The following CTBP2 variants were observed in gnomAD, a reference collection of about 807,000 sequenced individuals.
CTBP2 encodes the protein C-terminal-binding protein 2.
Under a neutral mutation model 80.3 loss-of-function variants are expected in CTBP2, and 30 were observed. That is an observed-to-expected ratio of 0.37 (90% CI 0.28 to 0.51). The LOEUF (loss-of-function observed/expected upper bound fraction) is 0.51. CTBP2 is among the 20% of genes least tolerant of loss of function. The probability of loss-of-function intolerance (pLI) is 0.93; values close to 1 mark genes in which losing one functional copy is unlikely to be tolerated. For synonymous variants in CTBP2, 594 were observed against 587.4 expected (o/e 1.01, Z -0.16); for missense variants, 1,212 against 1,375.3 (o/e 0.88, Z 1.88).
At chr10:125,036,840 T>C (rs1958956958) in intron 3 of CTBP2, among the ~76,000 whole-genome samples, 1 of 152,150 alleles carries the variant, frequency 6.6e-6, no homozygotes. Context: ...AACTGCCTAC[T>C]GCTCAACGCC....
rs764770185 is a variant in CTBP2, at chr10:124,984,717, T to C, written c.*4801A>G. On this transcript the variant is annotated 3_prime_UTR_variant, in exon 9 of 9. Coordinates refer to ENST00000309035, the MANE Select transcript of CTBP2 (RefSeq NM_022802.3). The stretch of plus-strand genomic sequence containing the variant: ...GCTGTAGGTTTCCATGTCACATTCC[T>C]ACCAAGTCTCTGATCTGTTGTATGA... 6.9e-5 allele frequency: 107 copies of C among 1,550,940 alleles called. No individual in the cohort carries two copies. The highest frequency in any genetic ancestry group is 8.8e-5 in the Non-Finnish European group (100 of 1,139,320).
At position 124,994,658 on chromosome 10, in the gene CTBP2, A is replaced by G. The variant is rs1352036731; in HGVS notation, c.2211T>C (p.Val737=). The G allele has an allele frequency of 1.5e-5, 24 of 1,614,066 alleles. No individual in the cohort carries two copies. The highest frequency in any genetic ancestry group is 2.0e-5 in the Non-Finnish European group (24 of 1,180,024). The change falls in exon 5 of 9, where the codon GTT becomes GTC. Residue 737 remains valine (V), a synonymous_variant. Coordinates refer to ENST00000309035, the MANE Select transcript of CTBP2 (RefSeq NM_022802.3). ...CGCTGAATCCAAAGGCCTTGGCTCG[A>G]ACTGCAACCGCCTGCCCCGTGCGAC...
At chr10:124,991,169 T>A (rs1952558707) in intron 8 of CTBP2, among the ~76,000 whole-genome samples, 1 of 152,212 alleles carries the variant, frequency 6.6e-6, no homozygotes, top group South Asian at 2.1e-4. Context: ...CACAGGGTCC[T>A]CGGGCAAAGT....
intron 1 of CTBP2, among the ~76,000 whole-genome samples, chr10:125,126,627 G>C (rs2136087321): frequency 6.6e-6 from 1 of 152,314 alleles, no homozygotes; most frequent in African/African-American, 2.4e-5. Context: ...TGTTAGGGCA[G>C]ATGTGCTCGC....
At chr10:125,040,454 T>TAA (rs747855375) in intron 2 of CTBP2, among the ~76,000 whole-genome samples, 8,011 of 104,232 alleles carry the variant, frequency 0.077, 573 homozygotes, top group Admixed American at 0.1. Context: ...ACTCTGTCTT[T>TAA]AAAAAAAAAA....
chr10:125,098,646 A>G, intron 2 of CTBP2, among the ~76,000 whole-genome samples: 1 of 52,276 alleles, frequency 1.9e-5, no homozygotes, highest in African/African-American at 7.8e-5. Context: ...AGAGAGAGAA[A>G]TGGGGGAGGG....
Position 125,143,974 on chromosome 10 carries a change from C to T in CTBP2, c.-206+16345G>A, listed in dbSNP as rs183163611. Among the ~76,000 whole-genome samples, 192 of 152,270 alleles carry T rather than the reference C, an allele frequency of 1.3e-3. 1 individual carries two copies. The highest frequency in any genetic ancestry group is 0.011 in the Admixed American group (161 of 15,278). On this transcript the variant is annotated intron_variant, in intron 1 of 10. Coordinates refer to the CTBP2 transcript ENST00000337195. ...TTAGTCAGGTCATAATTTCTCTCAC[C>T]ATAAATGGCTCTGCATGCAACTCAA...
chr10:125,067,039 C>G (rs190355164), intron 2 of CTBP2, among the ~76,000 whole-genome samples: 4 of 152,166 alleles, frequency 2.6e-5, no homozygotes, highest in East Asian at 1.9e-4. Context: ...CCAGACACCC[C>G]CCACGTCCAC....
At chr10:125,053,888 G>A (rs963342884) in intron 2 of CTBP2, among the ~76,000 whole-genome samples, 1 of 152,196 alleles carries the variant, frequency 6.6e-6, no homozygotes, top group African/African-American at 2.4e-5. Flanking sequence ...ACCCGGCAGA[G>A]GATCAGATTC....
At chr10:125,051,740 CT>C (rs1196132392) in intron 2 of CTBP2, among the ~76,000 whole-genome samples, 1 of 152,104 alleles carries the variant, frequency 6.6e-6, no homozygotes, top group African/African-American at 2.4e-5. Context: ...ATGGACCCCC[CT>C]AATTATGTTA....
At chr10:125,088,964 TGCATCACGTGTG>T (rs1176038100) in intron 2 of CTBP2, among the ~76,000 whole-genome samples, 1 of 152,230 alleles carries the variant, frequency 6.6e-6, no homozygotes, top group Non-Finnish European at 1.5e-5. Flanking sequence ...ACTTTCTTCA[TGCATCACGTGTG>T]TCTTTTACTC....
rs544362845 is a variant in CTBP2 at position 125,003,878 on chromosome 10, C to T, written c.1679-386G>A. Among the ~76,000 whole-genome samples, 11 of 152,280 alleles carry T rather than the reference C, an allele frequency of 7.2e-5. No homozygotes were observed. The South Asian group carries it at 1.9e-3, about 26-fold the overall frequency. ...ACTATGACAGGGGATAAGGCGTGTG[C>T]GTCCAAAGGAACTTCCTGGACAGGC... On this transcript the variant is annotated intron_variant, in intron 1 of 8. Coordinates refer to ENST00000309035, the MANE Select transcript of CTBP2 (RefSeq NM_022802.3).
In CTBP2 at chr10:124,986,668, T is replaced by C. The variant is rs1287649886; in HGVS notation, c.*2850A>G. On this transcript the variant is annotated 3_prime_UTR_variant, in exon 9 of 9. Transcript: ENST00000309035. ...GTTGTTAAAAATTGGCTGTTTGCTT[T>C]CATTTTGGCCAATAAGTAATCAAGT... The C allele has an allele frequency of 6.6e-6, 1 of 152,240 alleles. No homozygotes were observed. The highest frequency in any genetic ancestry group is 1.5e-5 in the Non-Finnish European group (1 of 68,040). 9.4% of individuals were successfully genotyped at this position (152,240 alleles called of 1,614,324 possible).
chr10:125,044,793 A>G (rs1338322443), intron 2 of CTBP2, among the ~76,000 whole-genome samples: 2 of 152,242 alleles, frequency 1.3e-5, no homozygotes, highest in African/African-American at 4.8e-5. Context: ...AAAGCCAGAT[A>G]TAACAAAATA....
chr10:125,038,974 A>G (rs771171598), intron 3 of CTBP2, 23 bp downstream of exon 3: 1 of 1,611,016 alleles, frequency 6.2e-7, no homozygotes, highest in Non-Finnish European at 8.5e-7. Context: ...ATGTTTGGTA[A>G]AAACCGCCAA....
chr10:124,991,255 A>AC, intron 8 of CTBP2, among the ~76,000 whole-genome samples: 1 of 151,868 alleles, frequency 6.6e-6, no homozygotes. Context: ...TAGCCACCCC[A>AC]CCCCCAGCTC....
intron 2 of CTBP2, among the ~76,000 whole-genome samples, chr10:125,108,894 C>T (rs755448246): frequency 1.2e-4 from 19 of 152,194 alleles, no homozygotes; most frequent in Non-Finnish European, 2.8e-4. Flanking sequence ...CAAAAGGATG[C>T]CAAAAATACA....
chr10:125,157,865 A>C (rs997601489), intron 1 of CTBP2, among the ~76,000 whole-genome samples: 4 of 152,176 alleles, frequency 2.6e-5, no homozygotes, highest in Non-Finnish European at 5.9e-5. Flanking sequence ...CCATCTCATT[A>C]ACTTTTCTTT....
chr10:125,160,484 G>C (rs1861758141), exon 1 of CTBP2: 1 of 149,802 alleles, frequency 6.7e-6, no homozygotes, highest in South Asian at 1.9e-4. Context: ...TCGCTCCTCG[G>C]GCCGCCGCCG....
Sources: allele counts gnomAD v4.1 joint callset (sites outside exome capture counted in the v4.1 genomes callset), GRCh38; gene constraint gnomAD v4.1.1; transcripts MANE v1.5; gene names NCBI Gene and HGNC (gene_info 2026-07-23, HGNC 2026-07-21).